ACOT1: variants seen among roughly 807,000 people sequenced by gnomAD.
ACOT1 encodes acyl-CoA thioesterase 1, also known as acyl-coenzyme A thioesterase 1.
In ACOT1, 8 loss-of-function variants were observed where a neutral mutation model predicts 15.7. That is an observed-to-expected ratio of 0.51 (90% CI 0.30 to 0.92). The LOEUF is 0.92. Among genes scored for constraint, ACOT1 ranks in the 40% least tolerant of loss-of-function variants. The probability of loss-of-function intolerance (pLI) is 0.06; values close to 1 mark genes in which losing one functional copy is unlikely to be tolerated. For missense variants in ACOT1, 151 were observed against 539.4 expected (o/e 0.28, Z 7.13); for synonymous variants, 67 against 241.2 (o/e 0.28, Z 6.69).
chr14:73,528,114 G>C, the ACOT1 span, among the ~76,000 whole-genome samples: 1 of 151,992 alleles, frequency 6.6e-6, no homozygotes, highest in African/African-American at 2.4e-5. Context: ...TCTTAAGGAG[G>C]CTATGCGCGG....
At chr14:73,518,274 T>C in the ACOT1 span, among the ~76,000 whole-genome samples, 1 of 151,008 alleles carries the variant, frequency 6.6e-6, no homozygotes, top group Non-Finnish European at 1.5e-5. Context: ...TGTGGAGGCA[T>C]GCACCTGTGA....
chr14:73,504,203 G>A, the ACOT1 span, among the ~76,000 whole-genome samples: 1 of 150,448 alleles, frequency 6.6e-6, no homozygotes. Flanking sequence ...TGAGCCTCCT[G>A]AGTAGCTGGG....
the ACOT1 span, among the ~76,000 whole-genome samples, chr14:73,524,310 A>AAAAATATATATATATATATATATAT: frequency 3.7e-5 from 2 of 54,788 alleles, no homozygotes; most frequent in African/African-American, 8.8e-5. Flanking sequence ...AAAAAAAAAA[A>AAAAATATATATATATATATATATAT]ATATATATAT....
the ACOT1 span, among the ~76,000 whole-genome samples, chr14:73,526,519 A>C: frequency 6.6e-6 from 1 of 152,102 alleles, no homozygotes; most frequent in African/African-American, 2.4e-5. Context: ...CAGCTCAGGG[A>C]GAGACTCCTA....
At chr14:73,496,506 G>T in the ACOT1 span, 1 of 743,298 alleles carries the variant, frequency 1.3e-6, no homozygotes, top group Non-Finnish European at 2.4e-6. Context: ...TCTATGGTGG[G>T]AAAAAGGGTA....
At chr14:73,492,899 G>C in the ACOT1 span, 1 of 1,613,692 alleles carries the variant, frequency 6.2e-7, no homozygotes, top group Non-Finnish European at 8.5e-7. The surrounding 1 kb of genome is among the most constrained non-coding windows in gnomAD (Gnocchi z 4.9). Context: ...CACGTTGTAT[G>C]ATAAGGGGCT....
chr14:73,523,916 A>G, the ACOT1 span, among the ~76,000 whole-genome samples: 1 of 152,188 alleles, frequency 6.6e-6, no homozygotes, highest in East Asian at 1.9e-4. Context: ...TCCATTGCCC[A>G]GTGACCATGT....
the ACOT1 span, among the ~76,000 whole-genome samples, chr14:73,524,955 C>T: frequency 9.1e-4 from 138 of 152,230 alleles, no homozygotes; most frequent in Middle Eastern, 0.01. Context: ...CTCTTACTGT[C>T]TTCCATGTGT....
At chr14:73,503,048 TAATG>T in the ACOT1 span, 2 of 1,477,516 alleles carry the variant, frequency 1.4e-6, no homozygotes, top group African/African-American at 1.4e-5. Context: ...TATCATCACT[TAATG>T]AATGTTAATT....
chr14:73,510,685 C>T, the ACOT1 span, among the ~76,000 whole-genome samples: 1 of 152,192 alleles, frequency 6.6e-6, no homozygotes. Context: ...ATCCACCTGC[C>T]TTGGCCTTCC....
At chr14:73,511,232 G>T in the ACOT1 span, among the ~76,000 whole-genome samples, 1 of 152,148 alleles carries the variant, frequency 6.6e-6, no homozygotes, top group African/African-American at 2.4e-5. Flanking sequence ...TTAAGATTTT[G>T]TCAGGTGCGG....
the ACOT1 span, chr14:73,520,658 CAGTTCCCTCCCTATT>C: frequency 3.8e-6 from 2 of 528,064 alleles, no homozygotes; most frequent in Non-Finnish European, 6.7e-6. Flanking sequence ...GGAGAGAGAG[CAGTTCCCTCCCTATT>C]AGTTATCACT....
chr14:73,498,988 TAG>T, the ACOT1 span: 1 of 1,148,572 alleles, frequency 8.7e-7, no homozygotes, highest in South Asian at 1.2e-5. Flanking sequence ...TTCACCCCAT[TAG>T]AGAGTTTCAG....
the ACOT1 span, chr14:73,491,852 G>C: frequency 6.2e-7 from 1 of 1,609,658 alleles, no homozygotes; most frequent in Non-Finnish European, 8.5e-7. Flanking sequence ...GAACCCACCC[G>C]GCCGCGCGCT....
intron 1 of ACOT1, among the ~76,000 whole-genome samples, chr14:73,540,188 T>C (rs1385164125): frequency 1.3e-5 from 2 of 148,832 alleles, no homozygotes; most frequent in Non-Finnish European, 3.0e-5. Context: ...CAATTTGTCT[T>C]AACTTACAAA....
chr14:73,512,141 ACT>A, the ACOT1 span: 1 of 1,614,084 alleles, frequency 6.2e-7, no homozygotes, highest in Non-Finnish European at 8.5e-7. Flanking sequence ...TCATGGTGCC[ACT>A]CTATGACTGA....
At chr14:73,523,994 T>G in the ACOT1 span, among the ~76,000 whole-genome samples, 4 of 152,048 alleles carry the variant, frequency 2.6e-5, no homozygotes, top group Admixed American at 1.3e-4. Flanking sequence ...ATTGTTAAAA[T>G]ATTTAATAGC....
chr14:73,517,710 A>AGG, the ACOT1 span, among the ~76,000 whole-genome samples: 102 of 140,582 alleles, frequency 7.3e-4, no homozygotes, highest in Non-Finnish European at 1.3e-3. Flanking sequence ...AGGGAAGGGG[A>AGG]GGGGAAGGGG....
the ACOT1 span, chr14:73,519,010 G>A: frequency 6.2e-7 from 1 of 1,607,486 alleles, no homozygotes; most frequent in Non-Finnish European, 8.5e-7. Flanking sequence ...TTCCCTGTTA[G>A]CTTCCTGCTT....
Sources: allele counts gnomAD v4.1 joint callset (sites outside exome capture counted in the v4.1 genomes callset), GRCh38; gene constraint gnomAD v4.1.1; non-coding constraint Gnocchi (gnomAD v3.1); transcripts MANE v1.5; gene names NCBI Gene and HGNC (gene_info 2026-07-23, HGNC 2026-07-21).